The following ELAVL1 variants were observed in gnomAD, a reference collection of about 807,000 sequenced individuals.
ELAVL1 encodes the protein ELAV-like protein 1.
Under a neutral mutation model 28.4 loss-of-function variants are expected in ELAVL1, and 1 was observed. The observed-to-expected ratio is 0.04, with a 90% CI of 0.01 to 0.17. The LOEUF is 0.17. ELAVL1 is among the 10% of genes least tolerant of loss of function. The probability of loss-of-function intolerance (pLI) is 1.00; values close to 1 mark genes in which losing one functional copy is unlikely to be tolerated. For synonymous variants in ELAVL1, 174 were observed against 183.5 expected, an observed-to-expected ratio of 0.95 and a Z score of 0.42; for missense variants, 157 against 447.2, an observed-to-expected ratio of 0.35 and a Z score of 5.85.
intron 2 of ELAVL1, among the ~76,000 whole-genome samples, chr19:7,984,918 G>A (rs1454494157): frequency 2.0e-5 from 3 of 152,216 alleles, no homozygotes; most frequent in Admixed American, 6.5e-5. Context: ...AGTCAGAAAA[G>A]GAGGAGGTGG....
At chr19:8,004,706 G>C (rs2081080846) in intron 1 of ELAVL1, among the ~76,000 whole-genome samples, 1 of 152,080 alleles carries the variant, frequency 6.6e-6, no homozygotes, top group South Asian at 2.1e-4. Flanking sequence ...TTCTAGCAAG[G>C]GGGCTCAGTC....
rs1984853089 is a variant in ELAVL1, at chr19:7,962,934, C to T, written c.*549G>A. On this transcript the variant is annotated 3_prime_UTR_variant, in exon 6 of 6. Coordinates refer to ENST00000407627, the MANE Select transcript of ELAVL1 (RefSeq NM_001419.3). The stretch of plus-strand genomic sequence containing the variant: ...ACGCTGGACGGGCCCGCCGCCATTC[C>T]CAGGACCACTCGGCAGAGCCCGGGA... The T allele has an allele frequency of 6.5e-6, 1 of 153,696 alleles. No homozygotes were observed. The highest frequency in any genetic ancestry group is 1.5e-5 in the Non-Finnish European group (1 of 68,852). 9.5% of individuals were successfully genotyped at this position (153,696 alleles called of 1,614,324 possible).
chr19:7,960,394 A>G lies in ELAVL1; in HGVS notation c.*3089T>C, dbSNP rs949717382. 1 of 152,256 alleles carries G rather than the reference A, an allele frequency of 6.6e-6. No individual in the cohort carries two copies. The highest frequency in any genetic ancestry group is 1.5e-5 in the Non-Finnish European group (1 of 68,044). The allele number at this position is 152,256 out of a possible 1,614,324, so 9.4% of individuals were successfully genotyped here. A position where few individuals can be genotyped will look rare whatever the true frequency, so the allele number is the denominator to read the frequency against. The stretch of plus-strand genomic sequence containing the variant: ...TGCGGGCGGGCCCCCGAGGAAGCCC[A>G]TGAATTTCAGGATATTCACGCAGGA... On this transcript the variant is annotated 3_prime_UTR_variant, in exon 6 of 6. Coordinates refer to ENST00000407627, the MANE Select transcript of ELAVL1 (RefSeq NM_001419.3).
rs998957469 is a variant in ELAVL1 at position 7,962,426 on chromosome 19, C to T, written c.*1057G>A. ...CTTTGAGGGTTAATCTTTAAAACTA[C>T]AAATCAAAGGTTTTGGTTAATAGAT... On this transcript the variant is annotated 3_prime_UTR_variant, in exon 6 of 6. Transcript: ENST00000407627. The T allele has an allele frequency of 2.0e-5, 3 of 152,590 alleles. No individual in the cohort carries two copies. Among genetic ancestry groups the T allele is most frequent in the African/African-American group, 7.2e-5 (3 of 41,420 alleles). The allele number at this position is 152,590 out of a possible 1,614,324, so 9.5% of individuals were successfully genotyped here. A position where few individuals can be genotyped will look rare whatever the true frequency, so the allele number is the denominator to read the frequency against.
chr19:7,985,400 C>G (rs1985573842), intron 2 of ELAVL1, among the ~76,000 whole-genome samples: 2 of 152,200 alleles, frequency 1.3e-5, no homozygotes, highest in Admixed American at 1.3e-4. Context: ...TTCAAGGCAA[C>G]AACTTGGCTC....
chr19:7,971,539 G>A (rs1985111439), intron 4 of ELAVL1, among the ~76,000 whole-genome samples: 1 of 152,268 alleles, frequency 6.6e-6, no homozygotes, highest in Non-Finnish European at 1.5e-5. Context: ...TGGCACTTAA[G>A]TGAGAGGACT....
intron 4 of ELAVL1, among the ~76,000 whole-genome samples, chr19:7,969,947 G>T (rs897064981): frequency 2.0e-5 from 3 of 151,716 alleles, no homozygotes; most frequent in East Asian, 1.9e-4. Flanking sequence ...TGCATTTTTT[G>T]TTTTTTTCTT....
chr19:8,003,988 G>A (rs963435115), intron 1 of ELAVL1, among the ~76,000 whole-genome samples: 2 of 152,146 alleles, frequency 1.3e-5, no homozygotes, highest in Non-Finnish European at 2.9e-5. Context: ...GAATCAGAGG[G>A]CCCGAGTTCA....
In ELAVL1 at chr19:7,982,394, G is replaced by C. The variant is rs1985488960; in HGVS notation, c.173-1208C>G. 6.6e-6 allele frequency among the ~76,000 whole-genome samples: 1 copy of C among 152,202 alleles called. No homozygotes were observed. The highest frequency in any genetic ancestry group is 2.1e-4 in the South Asian group (1 of 4,836). On this transcript the variant is annotated intron_variant, in intron 2 of 5. Coordinates refer to ENST00000407627, the MANE Select transcript of ELAVL1 (RefSeq NM_001419.3). This position sits in a 1 kb window ranked among gnomAD's most constrained non-coding sequence, Gnocchi z 4.3. ...CAACGAGCAGGTCACCGAACAGGAG[G>C]TGGCCTGGAGCCCCACTGAGGCAGA...
intron 2 of ELAVL1, among the ~76,000 whole-genome samples, chr19:7,988,277 C>T (rs571562632): frequency 9.9e-5 from 15 of 152,168 alleles, no homozygotes; most frequent in Admixed American, 5.2e-4. Context: ...TTTAAGGGGC[C>T]GAGGGCTTCT....
chr19:7,970,851 C>G (rs898105415), intron 4 of ELAVL1, among the ~76,000 whole-genome samples: 3 of 152,102 alleles, frequency 2.0e-5, no homozygotes, highest in Non-Finnish European at 4.4e-5. Flanking sequence ...CGTGAGCCAC[C>G]GCGCCCGGCC....
chr19:7,995,478 T>C (rs1045410677), intron 1 of ELAVL1, among the ~76,000 whole-genome samples: 2 of 152,180 alleles, frequency 1.3e-5, no homozygotes, highest in African/African-American at 2.4e-5. Flanking sequence ...ACACACATCA[T>C]GGCCTGTGGT....
At chr19:7,975,880 G>C (rs1159067436) in intron 3 of ELAVL1, among the ~76,000 whole-genome samples, 1 of 152,124 alleles carries the variant, frequency 6.6e-6, no homozygotes, top group Non-Finnish European at 1.5e-5. Context: ...CTGAGTGGGA[G>C]GATCGCTTGA....
intron 5 of ELAVL1, among the ~76,000 whole-genome samples, chr19:7,965,910 C>G (rs897051092): frequency 2.6e-5 from 4 of 152,194 alleles, no homozygotes; most frequent in Non-Finnish European, 5.9e-5. Flanking sequence ...TGTCTTCAAG[C>G]CAGAAACCTC....
At position 7,959,210 on chromosome 19, in the gene ELAVL1, C is replaced by T. The variant is rs889017545; in HGVS notation, c.*4273G>A. The T allele has an allele frequency of 2.0e-5, 3 of 152,242 alleles. No individual in the cohort carries two copies. The highest frequency in any genetic ancestry group is 4.4e-5 in the Non-Finnish European group (3 of 67,978). The allele number at this position is 152,242 out of a possible 1,614,324, so 9.4% of individuals were successfully genotyped here. A position where few individuals can be genotyped will look rare whatever the true frequency, so the allele number is the denominator to read the frequency against. On this transcript the variant is annotated 3_prime_UTR_variant, in exon 6 of 6. Coordinates refer to ENST00000407627, the MANE Select transcript of ELAVL1 (RefSeq NM_001419.3). The stretch of plus-strand genomic sequence containing the variant: ...CATTTTATTGTTGACTTTTGGACAC[C>T]AGTGTCAGACTTTATTGAAAACAAA...
intron 3 of ELAVL1, among the ~76,000 whole-genome samples, chr19:7,980,298 C>T (rs996991986): frequency 9.9e-5 from 15 of 152,250 alleles, no homozygotes; most frequent in Admixed American, 7.2e-4. Flanking sequence ...CAGCAGTACC[C>T]AGGACTGACA....
At chr19:7,993,886 T>C (rs1051924846) in intron 1 of ELAVL1, among the ~76,000 whole-genome samples, 3 of 151,958 alleles carry the variant, frequency 2.0e-5, no homozygotes, top group Non-Finnish European at 2.9e-5. Flanking sequence ...TCCTACCTAC[T>C]CCCTGAATCA....
At chr19:7,989,974 C>T (rs1198617572) in intron 2 of ELAVL1, among the ~76,000 whole-genome samples, 1 of 152,190 alleles carries the variant, frequency 6.6e-6, no homozygotes, top group Non-Finnish European at 1.5e-5. Flanking sequence ...AGGTTCAACA[C>T]ATCACTCTAT....
chr19:7,969,559 G>A (rs2145203044), intron 4 of ELAVL1, among the ~76,000 whole-genome samples: 1 of 152,310 alleles, frequency 6.6e-6, no homozygotes, highest in South Asian at 2.1e-4. Context: ...AGGAACACCT[G>A]AAAACACAAC....
Sources: gnomAD v4.1 joint callset for allele counts (sites outside exome capture counted in the v4.1 genomes callset) on GRCh38, gnomAD v4.1.1 for gene constraint, Gnocchi (gnomAD v3.1) non-coding constraint, MANE v1.5 for transcripts, NCBI Gene and HGNC (gene_info 2026-07-23, HGNC 2026-07-21) for gene names.